NUSAP1: variants seen among roughly 807,000 people sequenced by gnomAD.
NUSAP1 encodes the protein nucleolar and spindle associated protein 1, also known as nucleolar and spindle-associated protein 1.
NUSAP1 carries 32 observed loss-of-function variants against 52.8 expected under a neutral mutation model. That is an observed-to-expected ratio of 0.61 (90% confidence interval 0.46 to 0.81). NUSAP1 has a LOEUF of 0.81. Among genes scored for constraint, NUSAP1 ranks in the 40% least tolerant of loss-of-function variants. NUSAP1 has a pLI of 0.00. For synonymous variants in NUSAP1, 195 were observed against 183.1 expected, an observed-to-expected ratio of 1.06 and a Z score of -0.52; for missense variants, 499 against 522.3, an observed-to-expected ratio of 0.96 and a Z score of 0.43.
chr15:41,342,996 C>T (rs1334251065), intron 2 of NUSAP1: 1 of 152,370 alleles, frequency 6.6e-6, no homozygotes, highest in Non-Finnish European at 1.5e-5. Context: ...TACACAGATA[C>T]AAAGGCTGAG....
intron 2 of NUSAP1, chr15:41,344,234 AAAC>A (rs1235326653): frequency 1.3e-5 from 2 of 150,930 alleles, no homozygotes; most frequent in African/African-American, 4.9e-5. Flanking sequence ...AAAAAAAAAG[AAAC>A]AACAACTAAA....
rs1168193104 is a variant in NUSAP1, at chr15:41,350,999, A to G, written c.318A>G (p.Ser106=). Residue 106 remains serine, a synonymous_variant, in exon 4 of 11, where the codon TCA becomes TCG. Transcript: ENST00000559596. ...TTTTAAATTTGTAGCAGAATCATTC[A>G]GAGATAAAAATAAGTAATCCCACTG... ...RVDPDSQQNH[S]EIKISNPTEF... 6.2e-7 allele frequency: 1 copy of G among 1,606,748 alleles called. No homozygotes were observed. The highest frequency in any genetic ancestry group is 8.5e-7 in the Non-Finnish European group (1 of 1,177,244).
At chr15:41,378,874 TCTA>T (rs1472999313) in intron 10 of NUSAP1, among the ~76,000 whole-genome samples, 2 of 145,764 alleles carry the variant, frequency 1.4e-5, no homozygotes, top group African/African-American at 5.1e-5. Context: ...GCCATTATGC[TCTA>T]CTTTCAGAGG....
chr15:41,363,775 T>C (rs926228747), intron 6 of NUSAP1, among the ~76,000 whole-genome samples: 15 of 152,226 alleles, frequency 9.9e-5, no homozygotes, highest in Non-Finnish European at 1.8e-4. Context: ...GTTAATTTTT[T>C]CTGCTTGCAA....
chr15:41,380,464 G>A lies in NUSAP1; in HGVS notation c.*278G>A, dbSNP rs563042818. 2.8e-4 allele frequency: 67 copies of A among 241,580 alleles called. No individual in the cohort carries two copies. The highest frequency in any genetic ancestry group is 1.5e-3 in the African/African-American group (64 of 43,580). The allele number at this position is 241,580 out of a possible 1,614,324, so 15.0% of individuals were successfully genotyped here. ...AAAATTCTGTTTCTAGATTTTTAAT[G>A]TCAAGTTCCCAAGTTCCCCCTGCTG... On this transcript the variant is annotated 3_prime_UTR_variant, in exon 11 of 11. Transcript: ENST00000559596.
chr15:41,373,718 G>A (rs544873998), intron 8 of NUSAP1, among the ~76,000 whole-genome samples: 465 of 151,952 alleles, frequency 3.1e-3, no homozygotes, highest in Non-Finnish European at 5.3e-3. Flanking sequence ...AAAGTGCTGG[G>A]ATTACAGGCA....
chr15:41,349,086 C>G lies in NUSAP1; in HGVS notation c.163-12C>G. 1.2e-6 allele frequency: 2 copies of G among 1,612,324 alleles called. No homozygotes were observed. The highest frequency in any genetic ancestry group is 1.7e-6 in the Non-Finnish European group (2 of 1,178,668). ...GACATAGCACATAGCAGATTAATAC[C>G]TCTCTTTTCAGGATGAAAGTCAAAC... On this transcript the variant is annotated splice_polypyrimidine_tract_variant and intron_variant, in intron 2 of 10. Transcript: ENST00000559596.
At chr15:41,359,354 T>C (rs1024421003) in intron 6 of NUSAP1, among the ~76,000 whole-genome samples, 1 of 152,146 alleles carries the variant, frequency 6.6e-6, no homozygotes, top group Non-Finnish European at 1.5e-5. Context: ...TAAGGCCTAT[T>C]CTCAAAATAA....
chr15:41,380,118 C>G lies in NUSAP1; in HGVS notation c.1258C>G (p.Gln420Glu). The change falls in exon 11 of 11, where the codon CAA (glutamine) becomes GAA (glutamate). Residue 420 changes from glutamine (Q) to glutamate (E), a missense_variant. Transcript: ENST00000559596. ...GGAAGAGCAACGGAAGAAACGCGAG[C>G]AAGAACGAAAGGAGAAGAAAGCAAA... ...TKEEQRKKREQERKEKKAKVL... is the reference protein window; with the variant it reads ...TKEEQRKKREEERKEKKAKVL... 2 of 1,587,588 alleles carry G rather than the reference C, an allele frequency of 1.3e-6. No individual in the cohort carries two copies. Among genetic ancestry groups the G allele is most frequent in the Non-Finnish European group, 1.7e-6 (2 of 1,166,882 alleles).
intron 10 of NUSAP1, among the ~76,000 whole-genome samples, chr15:41,378,232 C>T (rs1451697483): frequency 6.6e-6 from 1 of 152,092 alleles, no homozygotes; most frequent in Non-Finnish European, 1.5e-5. Context: ...GCCCAGGGCA[C>T]CTACATATCC....
At chr15:41,371,757 ATC>A in intron 8 of NUSAP1, 73 bp downstream of exon 8, 1 of 1,486,468 alleles carries the variant, frequency 6.7e-7, no homozygotes, top group Non-Finnish European at 9.0e-7. Context: ...GATTAGGTAT[ATC>A]TGTTTTTTTT....
At chr15:41,345,412 A>G (rs1407744069) in intron 2 of NUSAP1, 2 of 409,382 alleles carry the variant, frequency 4.9e-6, no homozygotes, top group Non-Finnish European at 9.4e-6. Flanking sequence ...GGCCAAAGAT[A>G]AAGGGAAAAA....
At chr15:41,346,822 G>T (rs559908865) in intron 2 of NUSAP1, among the ~76,000 whole-genome samples, 1 of 131,904 alleles carries the variant, frequency 7.6e-6, no homozygotes, top group African/African-American at 3.1e-5. Context: ...GCCAGACCCC[G>T]TCTCAAAAAT....
intron 6 of NUSAP1, among the ~76,000 whole-genome samples, chr15:41,362,489 A>G (rs1448763151): frequency 2.7e-5 from 4 of 149,678 alleles, no homozygotes; most frequent in African/African-American, 9.9e-5. Context: ...ATGATCTGCA[A>G]TCTCAGCTCA....
At chr15:41,348,241 G>T (rs531514246) in intron 2 of NUSAP1, among the ~76,000 whole-genome samples, 2 of 152,304 alleles carry the variant, frequency 1.3e-5, no homozygotes, top group East Asian at 3.9e-4. Context: ...ACCACGCCTG[G>T]CTAATTTTTG....
At chr15:41,378,944 G>GTTTTTGTTTTTTTTTTTTT (rs2050092829) in intron 10 of NUSAP1, among the ~76,000 whole-genome samples, 1 of 63,270 alleles carries the variant, frequency 1.6e-5, no homozygotes, top group Non-Finnish European at 2.7e-5. Context: ...ACTTATCTTG[G>GTTTTTGTTTTTTTTTTTTT]TTTTTTTTTT....
At chr15:41,375,978 A>G in intron 9 of NUSAP1, 150 bp downstream of exon 9, 1 of 597,694 alleles carries the variant, frequency 1.7e-6, no homozygotes, top group Non-Finnish European at 3.0e-6. Flanking sequence ...AGACAGGAGA[A>G]TCACTTGAAC....
chr15:41,349,369 A>G (rs777253481), intron 3 of NUSAP1, 128 bp downstream of exon 3: 1 of 937,480 alleles, frequency 1.1e-6, no homozygotes, highest in Non-Finnish European at 1.6e-6. Flanking sequence ...TGTAAGCTCC[A>G]TGAAAGCCCA....
intron 1 of NUSAP1, among the ~76,000 whole-genome samples, chr15:41,340,426 C>G (rs1595528978): frequency 1.3e-5 from 2 of 152,170 alleles, no homozygotes; most frequent in Admixed American, 1.3e-4. Context: ...ACTGTTTCAC[C>G]TCTGCTAGAA....
Sources: allele counts gnomAD v4.1 joint callset (sites outside exome capture counted in the v4.1 genomes callset), GRCh38; gene constraint gnomAD v4.1.1; transcripts MANE v1.5; gene names NCBI Gene and HGNC (gene_info 2026-07-23, HGNC 2026-07-21).